The following TTC27 variants were observed in gnomAD, a reference collection of about 807,000 sequenced individuals.
TTC27 encodes tetratricopeptide repeat domain 27, also known as tetratricopeptide repeat protein 27.
Under a neutral mutation model 115.9 loss-of-function variants are expected in TTC27, and 79 were observed. That is an observed-to-expected ratio of 0.68 (90% CI 0.57 to 0.82). The LOEUF is 0.82. Among genes scored for constraint, TTC27 ranks in the 40% least tolerant of loss-of-function variants. The pLI, the probability that TTC27 is intolerant of heterozygous loss-of-function variation, is 0.00. For missense variants in TTC27, 1,054 were observed against 993.1 expected, an observed-to-expected ratio of 1.06 and a Z score of -0.82; for synonymous variants, 401 against 356.0, an observed-to-expected ratio of 1.13 and a Z score of -1.42.
chr2:32,815,085 C>A (rs567678472), intron 18 of TTC27, among the ~76,000 whole-genome samples: 3 of 152,162 alleles, frequency 2.0e-5, no homozygotes, highest in Non-Finnish European at 4.4e-5. Flanking sequence ...GGAAGGTATA[C>A]ATTTATAGTT....
intron 3 of TTC27, among the ~76,000 whole-genome samples, chr2:32,634,378 T>G (rs1335576218): frequency 6.6e-6 from 1 of 151,824 alleles, no homozygotes; most frequent in African/African-American, 2.4e-5. Flanking sequence ...CACTGCACCC[T>G]CAACCTACTC....
intron 10 of TTC27, among the ~76,000 whole-genome samples, chr2:32,725,378 A>G (rs993883409): frequency 3.3e-5 from 5 of 152,154 alleles, no homozygotes; most frequent in Admixed American, 6.6e-5. Flanking sequence ...GGGTGCAGGC[A>G]TTGGGTAAAT....
intron 10 of TTC27, among the ~76,000 whole-genome samples, chr2:32,703,509 G>A (rs1667262757): frequency 6.6e-6 from 1 of 152,132 alleles, no homozygotes; most frequent in Non-Finnish European, 1.5e-5. Context: ...TTTATGGTGA[G>A]CATTAAAAGA....
At chr2:32,700,785 C>T (rs1183330204) in intron 9 of TTC27, among the ~76,000 whole-genome samples, 1 of 152,184 alleles carries the variant, frequency 6.6e-6, no homozygotes, top group Admixed American at 6.6e-5. Context: ...GGTGATCCAC[C>T]CGCGTCAGCC....
At chr2:32,700,134 G>A (rs746577883) in intron 9 of TTC27, among the ~76,000 whole-genome samples, 5 of 152,166 alleles carry the variant, frequency 3.3e-5, no homozygotes, top group Non-Finnish European at 5.9e-5. Context: ...TGTAAACGCT[G>A]GAGGAGGAGA....
At chr2:32,746,563 C>CAAAAAAAAAAAAAAAAAAATAAAAAAAA (rs770621313) in intron 12 of TTC27, among the ~76,000 whole-genome samples, 1 of 46,296 alleles carries the variant, frequency 2.2e-5, no homozygotes, top group Non-Finnish European at 3.6e-5. Context: ...AACTCCATCT[C>CAAAAAAAAAAAAAAAAAAATAAAAAAAA]AAAAAAAAAA....
At chr2:32,630,739 A>T (rs1347064211) in intron 2 of TTC27, 39 bp downstream of exon 2, 1 of 1,560,888 alleles carries the variant, frequency 6.4e-7, no homozygotes. Context: ...GGAACAGAGC[A>T]AATACATTTA....
intron 15 of TTC27, among the ~76,000 whole-genome samples, chr2:32,785,036 T>C (rs188785176): frequency 3.3e-5 from 5 of 152,348 alleles, no homozygotes; most frequent in Admixed American, 3.3e-4. Context: ...CAATAGATGG[T>C]AAATGCTCTT....
intron 16 of TTC27, among the ~76,000 whole-genome samples, chr2:32,809,569 C>G (rs1671245374): frequency 6.6e-6 from 1 of 152,212 alleles, no homozygotes; most frequent in Non-Finnish European, 1.5e-5. Context: ...GATGCCAGTG[C>G]TGTCGGTCCA....
At chr2:32,664,878 G>C (rs1291365825) in intron 6 of TTC27, among the ~76,000 whole-genome samples, 1 of 151,580 alleles carries the variant, frequency 6.6e-6, no homozygotes, top group African/African-American at 2.4e-5. Context: ...TGTCGCCCAG[G>C]CTGGAGTGCA....
chr2:32,663,017 C>T (rs975758470), intron 5 of TTC27, among the ~76,000 whole-genome samples: 18 of 152,112 alleles, frequency 1.2e-4, no homozygotes, highest in East Asian at 1.9e-4. Context: ...TAATGGTGGA[C>T]GCCCCTGTCC....
intron 15 of TTC27, 114 bp downstream of exon 15, chr2:32,782,792 A>AT: frequency 1.3e-6 from 1 of 755,238 alleles, no homozygotes; most frequent in Non-Finnish European, 2.1e-6. Context: ...TCGCCCATGT[A>AT]TATGAAATAG....
intron 9 of TTC27, among the ~76,000 whole-genome samples, chr2:32,687,056 G>C (rs994907841): frequency 6.6e-6 from 1 of 151,966 alleles, no homozygotes; most frequent in African/African-American, 2.4e-5. Flanking sequence ...TGTTGGCCAG[G>C]CTAGTTTCGA....
intron 12 of TTC27, among the ~76,000 whole-genome samples, chr2:32,742,709 C>T (rs1188876100): frequency 6.6e-6 from 1 of 152,134 alleles, no homozygotes; most frequent in Non-Finnish European, 1.5e-5. Context: ...GTCAGCTGTG[C>T]CCCTGTCATC....
At chr2:32,766,540 G>A (rs1160719476) in intron 13 of TTC27, 2 of 408,292 alleles carry the variant, frequency 4.9e-6, no homozygotes, top group Admixed American at 5.5e-5. Flanking sequence ...AACATACACA[G>A]CATTTATCAG....
chr2:32,765,845 C>A (rs1181309679), intron 13 of TTC27, among the ~76,000 whole-genome samples: 3 of 152,166 alleles, frequency 2.0e-5, no homozygotes, highest in Non-Finnish European at 4.4e-5. Context: ...TTCAAACTTT[C>A]TTCTGCAGCT....
At chr2:32,787,898 G>A (rs1222331506) in intron 16 of TTC27, among the ~76,000 whole-genome samples, 1 of 152,118 alleles carries the variant, frequency 6.6e-6, no homozygotes, top group Non-Finnish European at 1.5e-5. Context: ...CCTAGAAAGG[G>A]TAGGGGCTCT....
At chr2:32,645,262 T>G (rs1173723321) in intron 4 of TTC27, among the ~76,000 whole-genome samples, 2 of 152,154 alleles carry the variant, frequency 1.3e-5, no homozygotes, top group East Asian at 1.9e-4. Flanking sequence ...AAAATGAGTC[T>G]TGGTTTTGAA....
chr2:32,635,127 A>AT (rs1253031320), intron 3 of TTC27: 1 of 152,222 alleles, frequency 6.6e-6, no homozygotes, highest in African/African-American at 2.4e-5. Flanking sequence ...TGTGTCGCCA[A>AT]TAGAGCTTGC....
Sources: allele counts gnomAD v4.1 joint callset (sites outside exome capture counted in the v4.1 genomes callset), GRCh38; gene constraint gnomAD v4.1.1; transcripts MANE v1.5; gene names NCBI Gene and HGNC (gene_info 2026-07-23, HGNC 2026-07-21).